Variants in PCDHA7 observed in about 807,000 individuals in gnomAD.
PCDHA7 encodes the protein protocadherin alpha 7.
In PCDHA7, 37 loss-of-function variants were observed where a neutral mutation model predicts 57.2. The observed-to-expected ratio is 0.65, with a 90% CI of 0.50 to 0.85. The LOEUF (loss-of-function observed/expected upper bound fraction) is 0.85. PCDHA7 is among the 40% of genes least tolerant of loss of function. The pLI is 0.00. For missense variants in PCDHA7, 1,188 were observed against 1,241.8 expected (o/e 0.96, Z 0.65); for synonymous variants, 553 against 558.8 (o/e 0.99, Z 0.15).
chr5:140,862,365 G>C, intron 1 of PCDHA7: 1 of 337,898 alleles, frequency 3.0e-6, no homozygotes, highest in South Asian at 2.4e-5. Flanking sequence ...CAGACGACCC[G>C]CACCCTGACT....
intron 1 of PCDHA7, among the ~76,000 whole-genome samples, chr5:140,895,474 C>T (rs947771616): frequency 2.1e-4 from 32 of 152,154 alleles, no homozygotes; most frequent in African/African-American, 7.0e-4. Flanking sequence ...TTATCCTCTT[C>T]GGAGAAATAC....
intron 1 of PCDHA7, chr5:140,843,181 C>T (rs1463551741): frequency 1.3e-6 from 2 of 1,595,954 alleles, no homozygotes; most frequent in Non-Finnish European, 1.7e-6. Flanking sequence ...GCCCTCGCAT[C>T]CCGTTCCGCG....
chr5:140,848,135 C>CT, intron 1 of PCDHA7: 1 of 194,926 alleles, frequency 5.1e-6, no homozygotes, highest in Non-Finnish European at 1.1e-5. Flanking sequence ...TCATACAAAA[C>CT]TTTTAGAGGC....
intron 1 of PCDHA7, chr5:140,968,891 A>G (rs782512271): frequency 1.5e-5 from 24 of 1,614,060 alleles, no homozygotes; most frequent in South Asian, 1.1e-4. Context: ...CCTTTATCTA[A>G]TAATAGCATT....
chr5:140,875,134 T>G (rs2055288976), intron 1 of PCDHA7, among the ~76,000 whole-genome samples: 1 of 152,238 alleles, frequency 6.6e-6, no homozygotes, highest in Admixed American at 6.5e-5. Flanking sequence ...TAAACCCGCA[T>G]TTATAAATGA....
chr5:140,977,564 A>G (rs2096766034), intron 1 of PCDHA7, among the ~76,000 whole-genome samples: 1 of 152,178 alleles, frequency 6.6e-6, no homozygotes, highest in African/African-American at 2.4e-5. Flanking sequence ...TTGCTAGCAG[A>G]TTGGTAGAAT....
intron 1 of PCDHA7, among the ~76,000 whole-genome samples, chr5:140,878,794 T>G (rs2057730678): frequency 6.6e-6 from 1 of 152,218 alleles, no homozygotes; most frequent in African/African-American, 2.4e-5. Flanking sequence ...CAATCACTTT[T>G]TAAAAACATA....
chr5:140,979,122 T>C (rs1271679977), intron 2 of PCDHA7, 115 bp downstream of exon 2: 2 of 1,493,778 alleles, frequency 1.3e-6, no homozygotes, highest in African/African-American at 2.8e-5. Flanking sequence ...TTAGGTACTT[T>C]GCCAGGAAAA....
chr5:140,984,478 A>G (rs1374350616), intron 3 of PCDHA7, among the ~76,000 whole-genome samples: 1 of 152,078 alleles, frequency 6.6e-6, no homozygotes, highest in Non-Finnish European at 1.5e-5. Flanking sequence ...TGTATAACCC[A>G]TTTTATCCAG....
At chr5:140,879,335 C>T (rs1388490473) in intron 1 of PCDHA7, among the ~76,000 whole-genome samples, 1 of 152,072 alleles carries the variant, frequency 6.6e-6, no homozygotes, top group Non-Finnish European at 1.5e-5. Context: ...TTAGTTTGTT[C>T]AGCTGAGAAG....
intron 3 of PCDHA7, among the ~76,000 whole-genome samples, chr5:141,007,395 CAAA>C (rs35800918): frequency 0.057 from 5,421 of 94,854 alleles, 127 homozygotes; most frequent in South Asian, 0.13. Context: ...TACTAAAATA[CAAA>C]AAAAAAAAAA....
chr5:140,843,519 G>A, intron 1 of PCDHA7: 1 of 1,595,904 alleles, frequency 6.3e-7, no homozygotes, highest in Non-Finnish European at 8.6e-7. Context: ...GGCGGGTGCC[G>A]GGCGGGCAAG....
At chr5:140,874,633 C>T (rs1399730965) in intron 1 of PCDHA7, among the ~76,000 whole-genome samples, 3 of 152,208 alleles carry the variant, frequency 2.0e-5, no homozygotes, top group African/African-American at 7.2e-5. Flanking sequence ...CATTAAAGTG[C>T]TTTACTTTTG....
At chr5:140,969,410 T>C (rs528910445) in intron 1 of PCDHA7, 12 of 1,572,752 alleles carry the variant, frequency 7.6e-6, no homozygotes, top group South Asian at 1.2e-5. Flanking sequence ...TTTGGCTTTA[T>C]TGAGTCATTA....
intron 1 of PCDHA7, chr5:140,861,672 A>G (rs1581618530): frequency 4.0e-6 from 1 of 248,596 alleles, no homozygotes; most frequent in East Asian, 1.1e-4. Context: ...GCTCTTGATT[A>G]TCGTGTTTCA....
At chr5:140,906,736 A>G (rs1554192686) in intron 1 of PCDHA7, among the ~76,000 whole-genome samples, 1 of 152,132 alleles carries the variant, frequency 6.6e-6, no homozygotes, top group Admixed American at 6.5e-5. Context: ...GTAGTTTCCC[A>G]TTGACACAGG....
At chr5:140,991,648 A>G (rs2097463830) in intron 3 of PCDHA7, among the ~76,000 whole-genome samples, 1 of 152,192 alleles carries the variant, frequency 6.6e-6, no homozygotes, top group Non-Finnish European at 1.5e-5. Context: ...GTTCATGACA[A>G]TTTAGGTTTG....
intron 3 of PCDHA7, among the ~76,000 whole-genome samples, chr5:140,997,576 G>A (rs528258685): frequency 5.9e-5 from 9 of 152,166 alleles, no homozygotes; most frequent in African/African-American, 2.4e-5. Flanking sequence ...TGTGTGGTCC[G>A]TTGTTGACTG....
At chr5:140,985,577 G>A (rs1265916995) in intron 3 of PCDHA7, among the ~76,000 whole-genome samples, 1 of 152,116 alleles carries the variant, frequency 6.6e-6, no homozygotes, top group Non-Finnish European at 1.5e-5. Flanking sequence ...TGGTGCCTAA[G>A]CCTCCTTATA....
Sources: allele counts gnomAD v4.1 joint callset (sites outside exome capture counted in the v4.1 genomes callset), GRCh38; gene constraint gnomAD v4.1.1; transcripts MANE v1.5; gene names NCBI Gene and HGNC (gene_info 2026-07-23, HGNC 2026-07-21).